Variants in DNM3 observed in about 807,000 individuals in gnomAD.
DNM3 encodes dynamin 3.
In DNM3, 47 loss-of-function variants were observed where a neutral mutation model predicts 101.6. The ratio of observed to expected loss-of-function variants is 0.46; its 90% CI spans 0.37 to 0.59. DNM3 has a LOEUF of 0.59. Ranked by LOEUF, DNM3 falls within the 20% of genes least tolerant of loss-of-function variation. The pLI is 0.00. For missense variants in DNM3, 849 were observed against 1,085.7 expected (o/e 0.78, Z 3.06); for synonymous variants, 385 against 387.9 (o/e 0.99, Z 0.09).
chr1:172,181,897 A>G (rs892571530), intron 14 of DNM3, among the ~76,000 whole-genome samples: 1 of 151,912 alleles, frequency 6.6e-6, no homozygotes, highest in African/African-American at 2.4e-5. Context: ...GCTGGCCATA[A>G]TTCTGTGTGT....
intron 1 of DNM3, among the ~76,000 whole-genome samples, chr1:171,892,820 G>A (rs769850401): frequency 9.9e-5 from 15 of 152,030 alleles, no homozygotes; most frequent in African/African-American, 2.7e-4. Flanking sequence ...GACCTAAGGC[G>A]CATGCAACCT....
At chr1:171,942,566 G>A (rs1051719277) in intron 2 of DNM3, among the ~76,000 whole-genome samples, 1 of 152,124 alleles carries the variant, frequency 6.6e-6, no homozygotes, top group African/African-American at 2.4e-5. Context: ...GAGCTTCTAT[G>A]TACCAGACAC....
At chr1:171,928,516 G>A (rs189081830) in intron 2 of DNM3, among the ~76,000 whole-genome samples, 1 of 152,264 alleles carries the variant, frequency 6.6e-6, no homozygotes, top group African/African-American at 2.4e-5. Flanking sequence ...GACCAAGCCA[G>A]GGGTTCCCTG....
intron 11 of DNM3, among the ~76,000 whole-genome samples, chr1:172,074,951 A>G (rs1434618139): frequency 6.6e-6 from 1 of 152,136 alleles, no homozygotes; most frequent in Non-Finnish European, 1.5e-5. Context: ...AAGCATTCCT[A>G]TTTCTCCACA....
intron 6 of DNM3, among the ~76,000 whole-genome samples, chr1:172,036,255 G>A (rs532031416): frequency 6.8e-6 from 1 of 146,276 alleles, no homozygotes; most frequent in East Asian, 2.1e-4. Flanking sequence ...AACATGCGGT[G>A]TTTGGTTTTT....
chr1:172,239,800 C>CTTTTTTTT (rs71107343), intron 14 of DNM3, among the ~76,000 whole-genome samples: 1 of 108,396 alleles, frequency 9.2e-6, no homozygotes, highest in African/African-American at 3.8e-5. Context: ...TTTTTTTTCT[C>CTTTTTTTT]TTTTTTTTTT....
intron 14 of DNM3, among the ~76,000 whole-genome samples, chr1:172,191,198 G>T (rs1466892118): frequency 8.5e-5 from 13 of 152,140 alleles, no homozygotes; most frequent in Admixed American, 7.2e-4. Context: ...TTTGTATAAG[G>T]TGTAAGGAAG....
chr1:172,143,868 G>T (rs2057730154), intron 14 of DNM3, among the ~76,000 whole-genome samples: 1 of 152,050 alleles, frequency 6.6e-6, no homozygotes, highest in Non-Finnish European at 1.5e-5. Context: ...GACTTGGCAG[G>T]TTCTTCTTTT....
At chr1:172,362,267 C>G (rs914237525) in intron 17 of DNM3, among the ~76,000 whole-genome samples, 1 of 151,872 alleles carries the variant, frequency 6.6e-6, no homozygotes, top group Non-Finnish European at 1.5e-5. Flanking sequence ...GAATATAAAG[C>G]CTTAACGATA....
chr1:171,904,202 CT>C (rs1310516209), intron 1 of DNM3, among the ~76,000 whole-genome samples: 3 of 151,258 alleles, frequency 2.0e-5, no homozygotes, highest in Non-Finnish European at 4.4e-5. Flanking sequence ...GTCCCAGCTA[CT>C]CGGGAGGCTG....
At chr1:171,861,096 A>C (rs2034130923) in intron 1 of DNM3, among the ~76,000 whole-genome samples, 1 of 152,172 alleles carries the variant, frequency 6.6e-6, no homozygotes, top group Non-Finnish European at 1.5e-5. Flanking sequence ...AAAGAAATTA[A>C]AGAAGACCAA....
intron 12 of DNM3, among the ~76,000 whole-genome samples, chr1:172,089,251 G>T (rs1397184379): frequency 2.6e-5 from 4 of 152,092 alleles, no homozygotes; most frequent in Non-Finnish European, 5.9e-5. Flanking sequence ...CAAATTGTAG[G>T]CTTTTGATAA....
Position 172,408,950 on chromosome 1 carries a change from C to A in DNM3, c.*1109C>A, listed in dbSNP as rs2071064918. On this transcript the variant is annotated 3_prime_UTR_variant, in exon 21 of 21. Coordinates refer to ENST00000627582, the MANE Select transcript of DNM3 (RefSeq NM_015569.5). ...GCATGGGATAAGAGCAGAGCTCACA[C>A]TTTTACAGTTGCAGTATTTCAAAGT... 5 of 985,220 alleles carry A rather than the reference C, an allele frequency of 5.1e-6. No individual in the cohort carries two copies. In the South Asian group the frequency reaches 1.4e-4, roughly 28 times the overall value. The allele number at this position is 985,220 out of a possible 1,614,324, so 61.0% of individuals were successfully genotyped here. A position where few individuals can be genotyped will look rare whatever the true frequency, so the allele number is the denominator to read the frequency against.
intron 2 of DNM3, among the ~76,000 whole-genome samples, chr1:171,981,541 CCAAA>C (rs1191604894): frequency 1.3e-5 from 2 of 152,188 alleles, no homozygotes; most frequent in Non-Finnish European, 2.9e-5. Flanking sequence ...CATCCTTCCC[CCAAA>C]CAGTTTGTCA....
intron 14 of DNM3, among the ~76,000 whole-genome samples, chr1:172,240,623 G>T (rs1163441320): frequency 1.3e-5 from 2 of 152,146 alleles, no homozygotes; most frequent in Non-Finnish European, 2.9e-5. Flanking sequence ...AATTATGTTT[G>T]ATTAATGTGC....
chr1:172,380,956 T>C lies in DNM3; in HGVS notation c.2058+1774T>C, dbSNP rs564525346. ...ACTTCCTGCCTATAGCTGTGAGGAG[T>C]AGCTTGACACAAATTAGCTAAAAGG... is the stretch of plus-strand genomic sequence containing the variant. On this transcript the variant is annotated intron_variant, in intron 18 of 20. Transcript: ENST00000627582. The C allele has an allele frequency of 9.7e-4, 141 of 144,698 alleles. 1 individual carries two copies. Among genetic ancestry groups the C allele is most frequent in the African/African-American group, 3.6e-3 (139 of 38,924 alleles). 9.0% of individuals were successfully genotyped at this position (144,698 alleles called of 1,614,324 possible).
At chr1:172,198,076 T>A (rs1318628953) in intron 14 of DNM3, among the ~76,000 whole-genome samples, 4 of 152,106 alleles carry the variant, frequency 2.6e-5, no homozygotes, top group African/African-American at 9.7e-5. Context: ...TTTTGAGGTA[T>A]GTCCTTCAAT....
At chr1:172,047,639 T>C (rs998139169) in intron 9 of DNM3, among the ~76,000 whole-genome samples, 3 of 152,200 alleles carry the variant, frequency 2.0e-5, no homozygotes, top group African/African-American at 7.2e-5. Flanking sequence ...AAATTACCAT[T>C]ATAATGTAGT....
chr1:172,048,816 C>G, intron 10 of DNM3, 66 bp downstream of exon 10: 1 of 1,544,270 alleles, frequency 6.5e-7, no homozygotes, highest in Non-Finnish European at 8.8e-7. Flanking sequence ...TATCTCATTG[C>G]ATGATTCTCT....
Sources: allele counts gnomAD v4.1 joint callset (sites outside exome capture counted in the v4.1 genomes callset), GRCh38; gene constraint gnomAD v4.1.1; transcripts MANE v1.5; gene names NCBI Gene and HGNC (gene_info 2026-07-23, HGNC 2026-07-21).